The following NTRK3 variants were observed in gnomAD, a reference collection of about 807,000 sequenced individuals.
NTRK3 encodes neurotrophic receptor tyrosine kinase 3, also known as NT-3 growth factor receptor.
A neutral mutation model predicts 91.7 loss-of-function variants in NTRK3; 24 were observed. The observed-to-expected ratio is 0.26, with a 90% CI of 0.19 to 0.37. The LOEUF (loss-of-function observed/expected upper bound fraction) is 0.37. Among genes scored for constraint, NTRK3 ranks in the 10% least tolerant of loss-of-function variants. NTRK3 has a pLI of 1.00. For missense variants in NTRK3, 880 were observed against 1,068.9 expected (o/e 0.82, Z 2.46); for synonymous variants, 483 against 404.0 (o/e 1.20, Z -2.34).
At chr15:88,212,164 C>T (rs555025571) in intron 3 of NTRK3, among the ~76,000 whole-genome samples, 16 of 152,182 alleles carry the variant, frequency 1.1e-4, no homozygotes, top group Non-Finnish European at 1.8e-4. Flanking sequence ...GTCAGGAGAT[C>T]GAGACCATCC....
intron 14 of NTRK3, among the ~76,000 whole-genome samples, chr15:87,969,462 G>A (rs574056381): frequency 6.6e-6 from 1 of 152,274 alleles, no homozygotes; most frequent in Non-Finnish European, 1.5e-5. Context: ...GATAGCTCAA[G>A]TAGAGCTCAA....
At position 88,201,066 on chromosome 15, in the gene NTRK3, C is replaced by T. The variant is rs553654307; in HGVS notation, c.249-16767G>A. Among the ~76,000 whole-genome samples the T allele has an allele frequency of 9.9e-4, 150 of 152,280 alleles. 1 individual carries two copies. Among genetic ancestry groups the T allele is most frequent in the Non-Finnish European group, 7.4e-4 (50 of 68,024 alleles). On this transcript the variant is annotated intron_variant, in intron 3 of 18. Coordinates refer to ENST00000394480, the Ensembl canonical transcript of NTRK3. ...CTCAAACCATGTAGATCCCTGTCTA[C>T]GCCGCATTATTAATTTTCGGTTAAC...
chr15:87,980,627 A>C (rs1363776188), intron 14 of NTRK3, among the ~76,000 whole-genome samples: 1 of 152,192 alleles, frequency 6.6e-6, no homozygotes, highest in African/African-American at 2.4e-5. Flanking sequence ...AGAGGTCATA[A>C]GGGGCCTCTG....
At chr15:88,189,180 G>C (rs2047185216) in intron 3 of NTRK3, among the ~76,000 whole-genome samples, 1 of 152,128 alleles carries the variant, frequency 6.6e-6, no homozygotes, top group Non-Finnish European at 1.5e-5. Context: ...GGCTTAGAAG[G>C]GAAATGGAGT....
chr15:87,863,988 C>T (rs867675106), exon 19 of NTRK3: 3 of 216,750 alleles, frequency 1.4e-5, no homozygotes, highest in South Asian at 2.0e-4. Context: ...CACACACACA[C>T]ACACATACAC....
chr15:88,044,356 G>T (rs559811371), intron 13 of NTRK3, among the ~76,000 whole-genome samples: 7 of 149,506 alleles, frequency 4.7e-5, no homozygotes, highest in Admixed American at 2.0e-4. Flanking sequence ...TGCCTCCCGG[G>T]TTCACTCCAT....
intron 14 of NTRK3, among the ~76,000 whole-genome samples, chr15:88,003,723 G>A (rs761251064): frequency 1.4e-4 from 21 of 151,856 alleles, no homozygotes; most frequent in Non-Finnish European, 2.9e-4. Flanking sequence ...ACATATGGAG[G>A]AACAAACACT....
intron 13 of NTRK3, among the ~76,000 whole-genome samples, chr15:88,051,204 T>C (rs1362589296): frequency 6.6e-6 from 1 of 152,182 alleles, no homozygotes; most frequent in Non-Finnish European, 1.5e-5. Context: ...TTTGCTTTGA[T>C]GCCGACAACC....
chr15:88,202,648 G>A (rs936774766), intron 3 of NTRK3, among the ~76,000 whole-genome samples: 1 of 152,198 alleles, frequency 6.6e-6, no homozygotes, highest in Non-Finnish European at 1.5e-5. Flanking sequence ...CTCAGAGGCT[G>A]CCTGCAAGTT....
At chr15:87,967,348 A>T (rs1434017825) in intron 14 of NTRK3, among the ~76,000 whole-genome samples, 1 of 152,096 alleles carries the variant, frequency 6.6e-6, no homozygotes, top group African/African-American at 2.4e-5. Context: ...TACAGAGTTA[A>T]CCTAAGGAAG....
intron 17 of NTRK3, among the ~76,000 whole-genome samples, chr15:87,901,860 G>A (rs982104464): frequency 6.6e-6 from 1 of 152,064 alleles, no homozygotes; most frequent in Non-Finnish European, 1.5e-5. Flanking sequence ...AAAAATCCAA[G>A]TCTTGTACCC....
At chr15:88,111,483 G>A (rs1158551032) in intron 13 of NTRK3, among the ~76,000 whole-genome samples, 1 of 152,204 alleles carries the variant, frequency 6.6e-6, no homozygotes, top group Non-Finnish European at 1.5e-5. Context: ...GAAGCTGTTA[G>A]CTTAGGGAGT....
At chr15:88,184,085 C>T (rs767737150) in intron 4 of NTRK3, 140 bp downstream of exon 4, 47 of 811,520 alleles carry the variant, frequency 5.8e-5, no homozygotes, top group Middle Eastern at 3.3e-4. Flanking sequence ...GTGCATATTG[C>T]CAACTCTACC....
At chr15:87,861,476 A>G (rs1051718105) in exon 19 of NTRK3, 1 of 199,790 alleles carries the variant, frequency 5.0e-6, no homozygotes. Flanking sequence ...TATGTAAAGT[A>G]GCACTTAGTT....
chr15:88,163,367 C>T (rs1368370090), intron 5 of NTRK3, among the ~76,000 whole-genome samples: 1 of 152,222 alleles, frequency 6.6e-6, no homozygotes, highest in Non-Finnish European at 1.5e-5. Context: ...CTGGCAAATT[C>T]TTAATCATCT....
intron 3 of NTRK3, among the ~76,000 whole-genome samples, chr15:88,190,534 G>A (rs943245767): frequency 2.6e-5 from 4 of 152,116 alleles, no homozygotes; most frequent in South Asian, 4.2e-4. Flanking sequence ...AACGGTTATC[G>A]CATCCATTTT....
Position 88,255,997 on chromosome 15 carries a change from G to T in NTRK3, c.157C>A (p.Leu53Ile), listed in dbSNP as rs753434646. 1 of 1,613,656 alleles carries T rather than the reference G, an allele frequency of 6.2e-7. No individual in the cohort carries two copies. Among genetic ancestry groups the T allele is most frequent in the Non-Finnish European group, 8.5e-7 (1 of 1,179,816 alleles). ...TCCTGCCCTTCCAGGAGGGGGAAGA[G>T]GTTCCCATCGTCCGGCCGCCGGCAA... The change falls in exon 3 of 19, where the codon CTC (leucine) becomes ATC (isoleucine). Residue 53 changes from leucine to isoleucine, a missense_variant. By Grantham distance (5) the Leu-to-Ile change is conservative (BLOSUM62 2). Transcript: ENST00000394480. This position sits in a 1 kb window ranked among gnomAD's most constrained non-coding sequence, Gnocchi z 4.3.
At chr15:88,217,083 C>A (rs1413874625) in intron 3 of NTRK3, among the ~76,000 whole-genome samples, 1 of 152,084 alleles carries the variant, frequency 6.6e-6, no homozygotes, top group Non-Finnish European at 1.5e-5. Flanking sequence ...ACCTCATAAC[C>A]ACTAGGGTGG....
At chr15:88,022,859 G>C (rs1240133138) in intron 14 of NTRK3, among the ~76,000 whole-genome samples, 1 of 152,160 alleles carries the variant, frequency 6.6e-6, no homozygotes, top group African/African-American at 2.4e-5. Flanking sequence ...ACTGCATGCA[G>C]CTACTAACTT....
Sources: allele counts gnomAD v4.1 joint callset (sites outside exome capture counted in the v4.1 genomes callset), GRCh38; gene constraint gnomAD v4.1.1; non-coding constraint Gnocchi (gnomAD v3.1); transcripts MANE v1.5; gene names NCBI Gene and HGNC (gene_info 2026-07-23, HGNC 2026-07-21).